RERE: variants seen among roughly 807,000 people sequenced by gnomAD.
RERE encodes arginine-glutamic acid dipeptide repeats, also known as arginine-glutamic acid dipeptide repeats protein.
RERE carries 40 observed loss-of-function variants against 146.1 expected under a neutral mutation model. That is an observed-to-expected ratio of 0.27 (90% CI 0.21 to 0.36). The LOEUF (loss-of-function observed/expected upper bound fraction) is 0.36, where lower values mean the gene tolerates loss of function less well. Among genes scored for constraint, RERE ranks in the 10% least tolerant of loss-of-function variants. The probability of loss-of-function intolerance (pLI) is 1.00; values close to 1 mark genes in which losing one functional copy is unlikely to be tolerated. For synonymous variants in RERE, 1,003 were observed against 866.0 expected (o/e 1.16, Z -2.78); for missense variants, 1,933 against 2,138.7 (o/e 0.90, Z 1.90).
At chr1:8,495,652 CAT>C (rs1645035530) in intron 9 of RERE, among the ~76,000 whole-genome samples, 3 of 152,294 alleles carry the variant, frequency 2.0e-5, no homozygotes, top group Admixed American at 1.3e-4. Context: ...CGCAGAAAGA[CAT>C]ATGTTACTTT....
At chr1:8,497,637 T>G in intron 8 of RERE, 108 bp from the exon 9 acceptor site, 1 of 1,147,574 alleles carries the variant, frequency 8.7e-7, no homozygotes, top group East Asian at 2.4e-5. Context: ...TGAGACTCTT[T>G]CCTTGGACAG....
At chr1:8,644,138 C>G (rs1416471183) in intron 2 of RERE, among the ~76,000 whole-genome samples, 2 of 152,224 alleles carry the variant, frequency 1.3e-5, no homozygotes, top group African/African-American at 4.8e-5. Context: ...AACTGCTTCC[C>G]AAGCTCATTG....
At chr1:8,412,198 C>T (rs1322610022) in intron 12 of RERE, among the ~76,000 whole-genome samples, 2 of 152,198 alleles carry the variant, frequency 1.3e-5, no homozygotes, top group African/African-American at 4.8e-5. Context: ...AACTCCTGCA[C>T]ATGGGAACAA....
chr1:8,667,440 C>G (rs1009993324), intron 1 of RERE, among the ~76,000 whole-genome samples: 1 of 152,132 alleles, frequency 6.6e-6, no homozygotes, highest in Non-Finnish European at 1.5e-5. Context: ...GTTCGGGGGG[C>G]CGAGGCAGGA....
chr1:8,391,106 CAAAAT>C (rs1315492269), intron 12 of RERE, among the ~76,000 whole-genome samples: 1 of 152,142 alleles, frequency 6.6e-6, no homozygotes, highest in African/African-American at 2.4e-5. Context: ...TTAAAAATAA[CAAAAT>C]AAACAGGAAA....
intron 13 of RERE, 51 bp downstream of exon 13, chr1:8,365,761 C>T: frequency 1.3e-6 from 2 of 1,597,766 alleles, no homozygotes; most frequent in Non-Finnish European, 1.7e-6. Context: ...GGACAGGCTG[C>T]CCGTGAACAG....
intron 12 of RERE, among the ~76,000 whole-genome samples, chr1:8,389,792 T>TATTAA (rs1642821139): frequency 6.6e-6 from 1 of 152,182 alleles, no homozygotes; most frequent in South Asian, 2.1e-4. Flanking sequence ...TAAGTGCACG[T>TATTAA]TGTTTTGTAT....
At chr1:8,526,559 T>C (rs968156739) in intron 7 of RERE, among the ~76,000 whole-genome samples, 43 of 152,128 alleles carry the variant, frequency 2.8e-4, no homozygotes, top group Admixed American at 2.3e-3. Flanking sequence ...ACAGTGTAGA[T>C]GGTATTGTGA....
intron 10 of RERE, among the ~76,000 whole-genome samples, chr1:8,493,681 CTCT>C (rs1382633649): frequency 6.6e-6 from 1 of 151,958 alleles, no homozygotes; most frequent in Non-Finnish European, 1.5e-5. Flanking sequence ...TCTTGAAAGT[CTCT>C]TCTAACTATA....
chr1:8,719,173 C>G (rs1639814885), intron 1 of RERE, among the ~76,000 whole-genome samples: 1 of 152,138 alleles, frequency 6.6e-6, no homozygotes, highest in Non-Finnish European at 1.5e-5. Flanking sequence ...AGATGCTCAG[C>G]TGGGTTCTGC....
chr1:8,725,981 G>C (rs551735808), intron 1 of RERE, among the ~76,000 whole-genome samples: 38 of 151,818 alleles, frequency 2.5e-4, no homozygotes, highest in African/African-American at 9.2e-4. Context: ...CCATTTGTTT[G>C]AATAGAGGGT....
intron 11 of RERE, among the ~76,000 whole-genome samples, chr1:8,444,410 T>C (rs1161395319): frequency 4.6e-5 from 7 of 152,186 alleles, no homozygotes; most frequent in African/African-American, 1.2e-4. Context: ...TACAGGCTCA[T>C]AGGTGGAAGG....
At chr1:8,692,575 C>T (rs778800506) in intron 1 of RERE, among the ~76,000 whole-genome samples, 1 of 152,102 alleles carries the variant, frequency 6.6e-6, no homozygotes, top group Non-Finnish European at 1.5e-5. Context: ...TCTCTAACTC[C>T]TGATCTCAAG....
Position 8,497,517 on chromosome 1 carries a change from C to G in RERE, c.892G>C (p.Asp298His), listed in dbSNP as rs1263204323. ...VGPSHQAKLP[D>H]LQPFPSPDGD... is the part of the protein sequence containing the mutation. ...TCTGGAGAAGGAAATGGTTGCAGAT[C>G]TGGAAGTTTGGCCTGTAAGACAGGG... The change falls in exon 9 of 23, where the codon GAT (aspartate) becomes CAT (histidine). Residue 298 changes from aspartate (D) to histidine (H), a missense_variant. Coordinates refer to ENST00000400908, the MANE Select transcript of RERE (RefSeq NM_001042681.2). 6.2e-7 allele frequency: 1 copy of G among 1,614,130 alleles called. No homozygotes were observed. The highest frequency in any genetic ancestry group is 1.1e-5 in the South Asian group (1 of 91,088).
At chr1:8,741,034 C>A (rs748433576) in intron 1 of RERE, among the ~76,000 whole-genome samples, 1 of 152,096 alleles carries the variant, frequency 6.6e-6, no homozygotes, top group Non-Finnish European at 1.5e-5. Context: ...TTCATATAAC[C>A]GGCAGCATAT....
At chr1:8,547,898 T>C (rs1645885213) in intron 6 of RERE, among the ~76,000 whole-genome samples, 1 of 152,284 alleles carries the variant, frequency 6.6e-6, no homozygotes, top group Non-Finnish European at 1.5e-5. Context: ...AAAATATATA[T>C]GCACAAAGAT....
intron 7 of RERE, among the ~76,000 whole-genome samples, chr1:8,517,347 T>C (rs927405509): frequency 6.6e-6 from 1 of 152,192 alleles, no homozygotes; most frequent in Admixed American, 6.5e-5. Context: ...CCACAGCTTA[T>C]TAGCAATGAG....
chr1:8,778,504 T>C (rs953945838), intron 1 of RERE, among the ~76,000 whole-genome samples: 1 of 152,178 alleles, frequency 6.6e-6, no homozygotes, highest in Non-Finnish European at 1.5e-5. Context: ...GAAGACTTCA[T>C]TTTTTACAGA....
chr1:8,511,770 TTTC>T (rs1645338708), intron 7 of RERE: 2 of 151,422 alleles, frequency 1.3e-5, no homozygotes, highest in Admixed American at 6.6e-5. Flanking sequence ...TCCTCTCTTT[TTTC>T]TTTTTCTTTT....
Sources: gnomAD v4.1 joint callset for allele counts (sites outside exome capture counted in the v4.1 genomes callset) on GRCh38, gnomAD v4.1.1 for gene constraint, MANE v1.5 for transcripts, NCBI Gene and HGNC (gene_info 2026-07-23, HGNC 2026-07-21) for gene names.